The following NEGR1 variants were observed in gnomAD, a reference collection of about 807,000 sequenced individuals.
NEGR1 encodes IgLON family member 4.
A neutral mutation model predicts 40.9 loss-of-function variants in NEGR1; 10 were observed. That is an observed-to-expected ratio of 0.24 (90% CI 0.15 to 0.42). The LOEUF is 0.42. Among genes scored for constraint, NEGR1 ranks in the 10% least tolerant of loss-of-function variants. NEGR1 has a pLI of 1.00. For synonymous variants in NEGR1, 185 were observed against 166.8 expected (o/e 1.11, Z -0.84); for missense variants, 352 against 438.9 (o/e 0.80, Z 1.77).
chr1:71,737,684 A>C (rs1655082991), intron 3 of NEGR1, among the ~76,000 whole-genome samples: 1 of 152,216 alleles, frequency 6.6e-6, no homozygotes, highest in Admixed American at 6.5e-5. Context: ...CGGATATAAC[A>C]CAGAAATTAA....
At chr1:71,911,776 C>G (rs905913123) in intron 2 of NEGR1, among the ~76,000 whole-genome samples, 3 of 152,072 alleles carry the variant, frequency 2.0e-5, no homozygotes, top group Non-Finnish European at 2.9e-5. Context: ...GATAGAAGAT[C>G]GACTGAACAG....
At position 71,928,359 on chromosome 1, in the gene NEGR1, T is replaced by C. The variant is rs62648116; in HGVS notation, c.409+6720A>G. ...ATATATACACACATGTGTATATATA[T>C]ATACACATATGTATATATGTATATA... On this transcript the variant is annotated intron_variant, in intron 2 of 6. Coordinates refer to ENST00000357731, the MANE Select transcript of NEGR1 (RefSeq NM_173808.3). 1.6e-3 allele frequency among the ~76,000 whole-genome samples: 147 copies of C among 93,336 alleles called. 16 individuals are homozygous for C. The highest frequency in any genetic ancestry group is 4.7e-3 in the African/African-American group (111 of 23,432). 61.2% of individuals were successfully genotyped at this position (93,336 alleles called of 152,430 possible).
rs71070899 is a variant in NEGR1, at chr1:71,711,481, C to CAAAA, written c.536-13346_536-13343dup. 6.0e-4 allele frequency among the ~76,000 whole-genome samples: 76 copies of CAAAA among 126,606 alleles called. 1 individual carries two copies. Among genetic ancestry groups the CAAAA allele is most frequent in the African/African-American group, 2.1e-3 (69 of 32,966 alleles). 83.1% of individuals were successfully genotyped at this position (126,606 alleles called of 152,430 possible). A position where few individuals can be genotyped will look rare whatever the true frequency, so the allele number is the denominator to read the frequency against. ...CCACTATTAGAATGGCTAAAATTTA[C>CAAAA]AAAAAAAAAAAAAAAAAGATTAGTG... On this transcript the variant is annotated intron_variant, in intron 3 of 6. Coordinates refer to ENST00000357731, the MANE Select transcript of NEGR1 (RefSeq NM_173808.3).
At chr1:72,270,261 A>G (rs965062469) in intron 1 of NEGR1, among the ~76,000 whole-genome samples, 9 of 151,886 alleles carry the variant, frequency 5.9e-5, no homozygotes, top group Non-Finnish European at 1.3e-4. Context: ...CTGAATCATG[A>G]TCTTGATGAT....
chr1:71,451,275 G>GA (rs1238169323), intron 6 of NEGR1, among the ~76,000 whole-genome samples: 1 of 150,652 alleles, frequency 6.6e-6, no homozygotes, highest in South Asian at 2.1e-4. Flanking sequence ...ATTCTACAGT[G>GA]AAAAAATGAT....
At chr1:71,464,160 A>G (rs894887633) in intron 6 of NEGR1, among the ~76,000 whole-genome samples, 1 of 152,084 alleles carries the variant, frequency 6.6e-6, no homozygotes, top group Admixed American at 6.6e-5. Flanking sequence ...TTCATTAAGG[A>G]AAGGGGGAAA....
chr1:71,979,518 G>T (rs374003795), intron 1 of NEGR1, among the ~76,000 whole-genome samples: 1 of 152,074 alleles, frequency 6.6e-6, no homozygotes, highest in African/African-American at 2.4e-5. Flanking sequence ...TTTCTAATGC[G>T]GGTTAAAGTC....
chr1:71,629,006 G>T (rs935249759), intron 4 of NEGR1, among the ~76,000 whole-genome samples: 2 of 152,062 alleles, frequency 1.3e-5, no homozygotes, highest in African/African-American at 4.8e-5. Flanking sequence ...TTCCACAATG[G>T]TTGAACTAAT....
intron 3 of NEGR1, among the ~76,000 whole-genome samples, chr1:71,774,960 T>C (rs1014576494): frequency 3.3e-5 from 5 of 152,220 alleles, no homozygotes; most frequent in Non-Finnish European, 5.9e-5. Context: ...ACATGTTATA[T>C]ATTTCATTTC....
intron 6 of NEGR1, among the ~76,000 whole-genome samples, chr1:71,583,170 C>T (rs1458308336): frequency 2.6e-5 from 4 of 151,766 alleles, no homozygotes; most frequent in Non-Finnish European, 5.9e-5. Flanking sequence ...GAGCCTATCA[C>T]TAATGTGAGT....
chr1:71,861,128 C>G (rs925573542), intron 2 of NEGR1, among the ~76,000 whole-genome samples: 1 of 152,030 alleles, frequency 6.6e-6, no homozygotes, highest in African/African-American at 2.4e-5. Flanking sequence ...TTTCAGATCA[C>G]AGTCTCTGGA....
chr1:71,937,197 G>A (rs2256913), intron 1 of NEGR1, among the ~76,000 whole-genome samples: 29,530 of 152,018 alleles, frequency 0.19, 4,058 homozygotes, highest in African/African-American at 0.39. Flanking sequence ...AGTCATAAAG[G>A]TCACTGTTAA....
chr1:71,988,349 C>T (rs1291575089), intron 1 of NEGR1, among the ~76,000 whole-genome samples: 1 of 151,866 alleles, frequency 6.6e-6, no homozygotes, highest in Non-Finnish European at 1.5e-5. Context: ...ACCATCCTGG[C>T]TAACAAGGTG....
intron 6 of NEGR1, among the ~76,000 whole-genome samples, chr1:71,474,034 T>A (rs528246828): frequency 2.6e-5 from 4 of 152,152 alleles, no homozygotes; most frequent in African/African-American, 9.6e-5. Context: ...TGTGCAGAAG[T>A]GCTCTTTGAC....
intron 2 of NEGR1, among the ~76,000 whole-genome samples, chr1:71,796,322 G>A (rs1657323472): frequency 1.3e-5 from 2 of 152,086 alleles, no homozygotes; most frequent in African/African-American, 2.4e-5. Context: ...GTGTGTTTGA[G>A]AAAAAGATAC....
intron 1 of NEGR1, among the ~76,000 whole-genome samples, chr1:72,127,463 C>CAAAAAAAAAAA (rs56301492): frequency 7.6e-5 from 3 of 39,292 alleles, no homozygotes; most frequent in Admixed American, 5.5e-4. Flanking sequence ...GGCTCTGTCT[C>CAAAAAAAAAAA]AAAAAAAAAA....
At chr1:71,430,202 C>T (rs556650918) in intron 6 of NEGR1, among the ~76,000 whole-genome samples, 1 of 152,268 alleles carries the variant, frequency 6.6e-6, no homozygotes, top group East Asian at 1.9e-4. Context: ...AAACTATGGC[C>T]ATTATAGCTC....
At chr1:72,204,037 T>G (rs1191905499) in intron 1 of NEGR1, among the ~76,000 whole-genome samples, 2 of 152,112 alleles carry the variant, frequency 1.3e-5, no homozygotes, top group African/African-American at 4.8e-5. Flanking sequence ...CTAGCAGTAT[T>G]GCGATATTTG....
At chr1:71,865,520 G>C (rs2101827510) in intron 2 of NEGR1, among the ~76,000 whole-genome samples, 1 of 152,140 alleles carries the variant, frequency 6.6e-6, no homozygotes, top group East Asian at 1.9e-4. Context: ...TCACTCATAA[G>C]TGGGAGCTGA....
Sources: allele counts gnomAD v4.1 joint callset (sites outside exome capture counted in the v4.1 genomes callset), GRCh38; gene constraint gnomAD v4.1.1; transcripts MANE v1.5; gene names NCBI Gene and HGNC (gene_info 2026-07-23, HGNC 2026-07-21).